ZNF208: variants seen among roughly 807,000 people sequenced by gnomAD.
The protein encoded by ZNF208 is zinc finger protein 95.
ZNF208 carries 10 observed loss-of-function variants against 12.1 expected under a neutral mutation model. The ratio of observed to expected loss-of-function variants is 0.83; its 90% CI spans 0.51 to 1.40. The LOEUF (loss-of-function observed/expected upper bound fraction) is 1.40. Ranked by LOEUF, ZNF208 falls within the 40% of genes most tolerant of loss-of-function variation. The probability of loss-of-function intolerance (pLI) is 0.00; values close to 1 mark genes in which losing one functional copy is unlikely to be tolerated. For synonymous variants in ZNF208, 497 were observed against 488.4 expected (o/e 1.02, Z -0.23); for missense variants, 1,652 against 1,485.0 (o/e 1.11, Z -1.85).
At chr19:21,960,391 TA>T in intron 4 of ZNF208, among the ~76,000 whole-genome samples, 2 of 150,186 alleles carry the variant, frequency 1.3e-5, no homozygotes. Flanking sequence ...AAGAGATACA[TA>T]AGTAAGAAAA....
At chr19:21,960,040 T>C (rs915942613) in intron 4 of ZNF208, among the ~76,000 whole-genome samples, 7 of 152,142 alleles carry the variant, frequency 4.6e-5, no homozygotes, top group Non-Finnish European at 1.0e-4. Flanking sequence ...AATTTTTAGA[T>C]TAAAAAAGTA....
intron 4 of ZNF208, among the ~76,000 whole-genome samples, chr19:21,945,652 T>C (rs1969805305): frequency 1.3e-5 from 2 of 152,200 alleles, no homozygotes; most frequent in African/African-American, 4.8e-5. Context: ...ATTTAATATT[T>C]TATTTAATAA....
rs533899671 is a variant in ZNF208 at position 21,956,160 on chromosome 19, AGAATGGCAAATATTGCT to A, written c.305+18552_305+18568del. On this transcript the variant is annotated intron_variant, in intron 4 of 4. Coordinates refer to the ZNF208 transcript ENST00000599916. ...GAGGCTGCAGAACAGCAAATATTGC[AGAATGGCAAATATTGCT>A]GCCTGATCCTTCCTCTGGAAGCTTC... Among the ~76,000 whole-genome samples, 1,123 of 152,336 alleles carry A rather than the reference AGAATGGCAAATATTGCT, an allele frequency of 7.4e-3. 12 individuals carry two copies. The highest frequency in any genetic ancestry group is 0.026 in the African/African-American group (1,082 of 41,576).
chr19:21,971,421 C>A lies in ZNF208; in HGVS notation c.3613G>T (p.Ala1205Ser). 1 of 1,609,692 alleles carries A rather than the reference C, an allele frequency of 6.2e-7. No individual in the cohort carries two copies. The highest frequency in any genetic ancestry group is 2.2e-5 in the East Asian group (1 of 44,794). The change falls in exon 4 of 4, where the codon GCC becomes TCC. Residue 1205 changes from alanine to serine, a missense_variant. Transcript: ENST00000397126. ...CTAAGGGTTGAGGGCCACTTATAGGCTTTGCCACATTCTTCACATTTGTAG... is the reference window on the plus strand; with the variant it reads ...CTAAGGGTTGAGGGCCACTTATAGGATTTGCCACATTCTTCACATTTGTAG... ...KLYKCEECGK[A>S]YKWPSTLRYH...
In ZNF208 at chr19:21,974,580, T is replaced by C. The variant is rs1337622689; in HGVS notation, c.454A>G (p.Asn152Asp). 4 of 1,613,714 alleles carry C rather than the reference T, an allele frequency of 2.5e-6. No individual in the cohort carries two copies. The Admixed American group carries it at 6.7e-5, about 27-fold the overall frequency. The change falls in exon 4 of 4, where the codon AAT (asparagine) becomes GAT (aspartate). Residue 152 changes from asparagine to aspartate, a missense_variant. By Grantham distance (23) the Asn-to-Asp change is conservative. Coordinates refer to ENST00000397126, the MANE Select transcript of ZNF208 (RefSeq NM_007153.3). ...SKVFQRGKYA[N>D]VFHKCSNSNR... ...GAATTTGAACATTTATGAAAGACATTTGCATATTTGCCACGTTGAAATACT... is the reference window on the plus strand; with the variant it reads ...GAATTTGAACATTTATGAAAGACATCTGCATATTTGCCACGTTGAAATACT...
At chr19:21,948,777 C>T (rs1969850585) in intron 4 of ZNF208, among the ~76,000 whole-genome samples, 1 of 126,884 alleles carries the variant, frequency 7.9e-6, no homozygotes, top group African/African-American at 2.9e-5. Context: ...AACAAGTAGC[C>T]TTACAGGCAG....
chr19:22,005,236 A>C (rs1971024160), intron 1 of ZNF208, among the ~76,000 whole-genome samples: 1 of 152,194 alleles, frequency 6.6e-6, no homozygotes, highest in Admixed American at 6.6e-5. Flanking sequence ...TGGACACATC[A>C]ATGTCAAGTG....
intron 1 of ZNF208, among the ~76,000 whole-genome samples, chr19:22,003,453 A>C (rs1300718005): frequency 6.6e-6 from 1 of 152,058 alleles, no homozygotes; most frequent in Non-Finnish European, 1.5e-5. Flanking sequence ...TACTATCTAG[A>C]ATCCATAAGG....
At chr19:22,007,773 G>A (rs1268307413) in intron 1 of ZNF208, among the ~76,000 whole-genome samples, 3 of 150,570 alleles carry the variant, frequency 2.0e-5, no homozygotes, top group African/African-American at 4.9e-5. Context: ...GCCAAGGCAG[G>A]CAGATTACTT....
intron 4 of ZNF208, among the ~76,000 whole-genome samples, chr19:21,948,158 CA>C (rs1261430132): frequency 1.3e-5 from 2 of 152,154 alleles, no homozygotes; most frequent in South Asian, 4.1e-4. Flanking sequence ...AAACCGTCTA[CA>C]GTTTGCATTC....
intron 4 of ZNF208, among the ~76,000 whole-genome samples, chr19:21,957,811 C>A (rs551583473): frequency 2.0e-5 from 3 of 151,688 alleles, no homozygotes; most frequent in East Asian, 1.9e-4. Flanking sequence ...TTGTGAGTAG[C>A]TTTTTTTTAA....
chr19:21,957,247 C>T (rs1969991128), intron 4 of ZNF208, among the ~76,000 whole-genome samples: 1 of 152,102 alleles, frequency 6.6e-6, no homozygotes, highest in African/African-American at 2.4e-5. Flanking sequence ...ACCATGTTGG[C>T]TAGGATGATC....
In ZNF208 at chr19:21,972,313, A is replaced by C. The variant is rs780663484; in HGVS notation, c.2721T>G (p.His907Gln). Residue 907 changes from histidine (H) to glutamine (Q), a missense_variant, in exon 4 of 4, where the codon CAT becomes CAG. By Grantham distance (24) the His-to-Gln change is conservative. This residue lies in a region of ZNF208 where 1,239 missense variants were observed against 1,086.2 expected (regional missense o/e 1.14). Coordinates refer to ENST00000397126, the MANE Select transcript of ZNF208 (RefSeq NM_007153.3). ...GFSMFSILTKHEVIHTGEKPY... is the reference protein window; with the variant it reads ...GFSMFSILTKQEVIHTGEKPY... ...GTTTCTCTCCAGTATGAATTACCTC[A>C]TGTTTAGTAAGGATGGAGAACATAC... is the stretch of plus-strand genomic sequence containing the variant. The C allele has an allele frequency of 8.1e-6, 13 of 1,613,516 alleles. No homozygotes were observed. The highest frequency in any genetic ancestry group is 1.1e-5 in the Non-Finnish European group (13 of 1,179,888).
chr19:21,984,316 A>C (rs1431800790), intron 3 of ZNF208, among the ~76,000 whole-genome samples: 1 of 152,212 alleles, frequency 6.6e-6, no homozygotes, highest in Admixed American at 6.5e-5. Flanking sequence ...GCACCTTGGA[A>C]GGCCAAGGCT....
chr19:21,962,753 C>T (rs56225235), downstream of ZNF208, among the ~76,000 whole-genome samples: 357 of 152,090 alleles, frequency 2.3e-3, 2 homozygotes, highest in Non-Finnish European at 4.0e-3. Context: ...TTTTCAAAAG[C>T]TAATGTATTT....
At chr19:22,004,500 A>G (rs1971011675) in intron 1 of ZNF208, among the ~76,000 whole-genome samples, 1 of 152,144 alleles carries the variant, frequency 6.6e-6, no homozygotes, top group African/African-American at 2.4e-5. Flanking sequence ...GTGACACAGC[A>G]AGATTCCATC....
At chr19:21,987,101 A>C (rs1428126506) in intron 3 of ZNF208, 115 bp downstream of exon 3, 1 of 1,028,960 alleles carries the variant, frequency 9.7e-7, no homozygotes, top group Non-Finnish European at 1.4e-6. Flanking sequence ...AATAAAAATT[A>C]GTCTCTCCAG....
Position 21,973,168 on chromosome 19 carries a change from T to G in ZNF208, c.1866A>C (p.Ser622=), listed in dbSNP as rs1365703641. The change falls in exon 4 of 4, where the codon TCA becomes TCC. Residue 622 remains serine, a synonymous_variant. Transcript: ENST00000397126. ...GAATTGCCTTATGTGTAGTAAGGGT[T>G]GAGACCTTACTAAAGGTTTTGCCAC... ...EECGKTFSKV[S]TLTTHKAIHA... The G allele has an allele frequency of 1.2e-6, 2 of 1,613,690 alleles. No individual in the cohort carries two copies. Among genetic ancestry groups the G allele is most frequent in the Admixed American group, 3.3e-5 (2 of 59,928 alleles).
intron 3 of ZNF208, among the ~76,000 whole-genome samples, chr19:21,984,247 G>GA (rs1229043089): frequency 8.6e-5 from 13 of 152,012 alleles, no homozygotes; most frequent in African/African-American, 3.1e-4. Flanking sequence ...AACAAAAATA[G>GA]AAAAAAACTG....
Sources: allele counts gnomAD v4.1 joint callset (sites outside exome capture counted in the v4.1 genomes callset), GRCh38; gene constraint gnomAD v4.1.1; regional missense constraint gnomAD v4.1.1; transcripts MANE v1.5; gene names NCBI Gene and HGNC (gene_info 2026-07-23, HGNC 2026-07-21).